The following HOMER2 variants were observed in gnomAD, a reference collection of about 807,000 sequenced individuals.
HOMER2 encodes the protein homer protein homolog 2.
In HOMER2, 27 loss-of-function variants were observed where a neutral mutation model predicts 47.0. That is an observed-to-expected ratio of 0.57 (90% CI 0.42 to 0.79). The LOEUF (loss-of-function observed/expected upper bound fraction) is 0.79. HOMER2 is among the 30% of genes least tolerant of loss of function. The pLI is 0.00. For synonymous variants in HOMER2, 161 were observed against 163.8 expected (o/e 0.98, Z 0.13); for missense variants, 443 against 435.0 (o/e 1.02, Z -0.16).
At chr15:82,904,947 T>C (rs2053244131) in intron 1 of HOMER2, among the ~76,000 whole-genome samples, 1 of 152,054 alleles carries the variant, frequency 6.6e-6, no homozygotes, top group Admixed American at 6.5e-5. Flanking sequence ...GAACCTGCAG[T>C]CGTAATATGG....
intron 8 of HOMER2, 42 bp from the exon 9 acceptor site, chr15:82,849,945 C>G (rs370864717): frequency 9.6e-5 from 153 of 1,587,278 alleles, no homozygotes; most frequent in Middle Eastern, 1.7e-4. Context: ...AACTGAGTGA[C>G]GAGAGTCATC....
At chr15:82,891,832 A>G (rs149823698) in intron 2 of HOMER2, among the ~76,000 whole-genome samples, 296 of 152,302 alleles carry the variant, frequency 1.9e-3, no homozygotes, top group African/African-American at 7.0e-3. Context: ...GTTTCGCTTT[A>G]TTAGCCCAAA....
chr15:82,939,091 T>C (rs1325615375), intron 1 of HOMER2, among the ~76,000 whole-genome samples: 3 of 152,194 alleles, frequency 2.0e-5, no homozygotes, highest in Non-Finnish European at 4.4e-5. Context: ...ATCTGAACTG[T>C]TGAGTGTTAG....
At position 82,854,800 on chromosome 15, in the gene HOMER2, G is replaced by A. The variant is rs559962070; in HGVS notation, c.495C>T (p.Ser165=). ...NDKLKIALTQ[S]AANVKKWEIE... ...TCTCCCACTTCTTCACGTTGGCTGC[G>A]CTGCAGGACAGGGACGGGCGGTGAC... Residue 165 remains serine (S), a splice_region_variant and synonymous_variant, in exon 6 of 9, where the codon AGC becomes AGT. Transcript: ENST00000450735. The A allele has an allele frequency of 4.0e-5, 65 of 1,607,758 alleles. No homozygotes were observed. Among genetic ancestry groups the A allele is most frequent in the South Asian group, 3.3e-4 (30 of 91,014 alleles).
At chr15:82,904,387 A>G (rs58782831) in intron 1 of HOMER2, among the ~76,000 whole-genome samples, 7,095 of 152,274 alleles carry the variant, frequency 0.047, 537 homozygotes, top group African/African-American at 0.16. Flanking sequence ...TAAAAACTCC[A>G]GAGGGATCCA....
intron 1 of HOMER2, among the ~76,000 whole-genome samples, chr15:82,965,471 TA>T (rs1043769392): frequency 2.8e-4 from 42 of 152,300 alleles, no homozygotes; most frequent in African/African-American, 9.9e-4. Flanking sequence ...TGATCTCAGG[TA>T]AATATCTCCT....
intron 1 of HOMER2, among the ~76,000 whole-genome samples, chr15:82,969,492 C>T (rs571903995): frequency 2.6e-4 from 39 of 152,326 alleles, no homozygotes; most frequent in Non-Finnish European, 5.0e-4. Flanking sequence ...ATGTTTCCCT[C>T]TGAGAAGCTG....
chr15:82,835,149 C>CA (rs1567002313), downstream of HOMER2: 1 of 146,812 alleles, frequency 6.8e-6, no homozygotes, highest in Non-Finnish European at 1.5e-5. Context: ...TTTTTTGAGA[C>CA]AGAGTCTTGC....
chr15:82,927,707 AC>A (rs2053889338), intron 1 of HOMER2, among the ~76,000 whole-genome samples: 1 of 152,062 alleles, frequency 6.6e-6, no homozygotes, highest in Admixed American at 6.5e-5. Flanking sequence ...GCAGTGGCTC[AC>A]GCCTGTAATC....
At chr15:82,968,215 C>T (rs1183552750) in intron 1 of HOMER2, among the ~76,000 whole-genome samples, 1 of 152,048 alleles carries the variant, frequency 6.6e-6, no homozygotes, top group Non-Finnish European at 1.5e-5. Flanking sequence ...TTAACCACAG[C>T]GGAATTTAGT....
At chr15:82,980,444 G>A (rs896601459) in intron 1 of HOMER2, among the ~76,000 whole-genome samples, 3 of 152,086 alleles carry the variant, frequency 2.0e-5, no homozygotes, top group African/African-American at 7.2e-5. Context: ...CTCCAATAAA[G>A]GCTCCGGCCT....
At chr15:82,912,838 G>A (rs2053486225) in intron 1 of HOMER2, among the ~76,000 whole-genome samples, 2 of 152,190 alleles carry the variant, frequency 1.3e-5, no homozygotes, top group African/African-American at 2.4e-5. Flanking sequence ...AGGAACAACC[G>A]TGTACCTATC....
chr15:82,980,520 C>T (rs778165293), intron 1 of HOMER2, among the ~76,000 whole-genome samples: 2 of 152,148 alleles, frequency 1.3e-5, no homozygotes, highest in Non-Finnish European at 2.9e-5. Flanking sequence ...TGTGGCTCTG[C>T]GTGGCGTGTT....
chr15:82,942,847 A>G (rs1277911475), intron 1 of HOMER2, among the ~76,000 whole-genome samples: 1 of 152,214 alleles, frequency 6.6e-6, no homozygotes, highest in Non-Finnish European at 1.5e-5. Flanking sequence ...AGGCTTAGCA[A>G]TATGAGGCAA....
At chr15:82,963,484 C>A (rs1596386183) in intron 1 of HOMER2, among the ~76,000 whole-genome samples, 1 of 152,150 alleles carries the variant, frequency 6.6e-6, no homozygotes, top group African/African-American at 2.4e-5. Context: ...AAGGAATAGA[C>A]TGAGCCCATT....
At chr15:82,877,051 T>C (rs554396336) in intron 2 of HOMER2, among the ~76,000 whole-genome samples, 1 of 152,390 alleles carries the variant, frequency 6.6e-6, no homozygotes, top group African/African-American at 2.4e-5. Context: ...TTACTATTTG[T>C]TGAACACTTA....
At chr15:82,939,498 C>T (rs1044077555) in intron 1 of HOMER2, among the ~76,000 whole-genome samples, 3 of 152,100 alleles carry the variant, frequency 2.0e-5, no homozygotes, top group Non-Finnish European at 4.4e-5. Context: ...AAAACCCCGT[C>T]TCTACTAAAA....
chr15:82,904,216 T>G (rs2053220101), intron 1 of HOMER2, among the ~76,000 whole-genome samples: 2 of 152,160 alleles, frequency 1.3e-5, no homozygotes, highest in Admixed American at 1.3e-4. Context: ...GGCAAACCAC[T>G]GCCCCCAAAA....
intron 2 of HOMER2, among the ~76,000 whole-genome samples, chr15:82,880,024 G>A (rs1012848289): frequency 6.6e-6 from 1 of 152,092 alleles, no homozygotes; most frequent in Admixed American, 6.5e-5. Context: ...CATACATTAT[G>A]AGTCTCTAGT....
Sources: allele counts gnomAD v4.1 joint callset (sites outside exome capture counted in the v4.1 genomes callset), GRCh38; gene constraint gnomAD v4.1.1; transcripts MANE v1.5; gene names NCBI Gene and HGNC (gene_info 2026-07-23, HGNC 2026-07-21).